Variants in SP4 observed in about 807,000 individuals in gnomAD.
SP4 encodes Sp4 transcription factor.
SP4 carries 19 observed loss-of-function variants against 72.8 expected under a neutral mutation model. That is an observed-to-expected ratio of 0.26 (90% CI 0.18 to 0.38). The LOEUF (loss-of-function observed/expected upper bound fraction) is 0.38. Among genes scored for constraint, SP4 ranks in the 10% least tolerant of loss-of-function variants. The probability of loss-of-function intolerance (pLI) is 1.00; values close to 1 mark genes in which losing one functional copy is unlikely to be tolerated. For synonymous variants in SP4, 395 were observed against 333.1 expected, an observed-to-expected ratio of 1.19 and a Z score of -2.02; for missense variants, 1,008 against 926.3, an observed-to-expected ratio of 1.09 and a Z score of -1.14.
chr7:21,472,615 C>T (rs1784382430), intron 3 of SP4, among the ~76,000 whole-genome samples: 1 of 151,668 alleles, frequency 6.6e-6, no homozygotes, highest in Non-Finnish European at 1.5e-5. Flanking sequence ...CAGAAAGTGA[C>T]ATAAATTTAG....
chr7:21,449,297 A>G (rs917832002), intron 3 of SP4, among the ~76,000 whole-genome samples: 8 of 152,212 alleles, frequency 5.3e-5, no homozygotes, highest in African/African-American at 1.9e-4. Flanking sequence ...ACTGACCCGT[A>G]TGCTCCACAT....
Position 21,430,483 on chromosome 7 carries a change from C to G in SP4, c.1318C>G (p.Pro440Ala). 6.2e-7 allele frequency: 1 copy of G among 1,614,170 alleles called. No homozygotes were observed. The highest frequency in any genetic ancestry group is 8.5e-7 in the Non-Finnish European group (1 of 1,180,018). The stretch of plus-strand genomic sequence containing the variant: ...GACGATTCAGACCATCCAGCAGCAG[C>G]CTTTACAGAATGTTCAACTTCAAGC... ...GQTIQTIQQQ[P>A]LQNVQLQAVN... The change falls in exon 3 of 6, where the codon CCT (proline) becomes GCT (alanine). Residue 440 changes from proline (P) to alanine (A), a missense_variant. By Grantham distance (27) the Pro-to-Ala change is conservative (BLOSUM62 -1). Coordinates refer to ENST00000222584, the MANE Select transcript of SP4 (RefSeq NM_003112.5).
intron 5 of SP4, among the ~76,000 whole-genome samples, chr7:21,502,038 G>GCC (rs1355848042): frequency 2.4e-3 from 217 of 89,370 alleles, no homozygotes; most frequent in East Asian, 0.01. Context: ...AATTCATTAG[G>GCC]CACCCCCCCC....
chr7:21,489,384 G>A (rs944612860), intron 5 of SP4, among the ~76,000 whole-genome samples: 6 of 151,896 alleles, frequency 4.0e-5, no homozygotes, highest in African/African-American at 7.3e-5. Flanking sequence ...GCAGTGATGT[G>A]ATCATAGCTC....
chr7:21,483,085 C>CA (rs1308315858), intron 5 of SP4, among the ~76,000 whole-genome samples: 2 of 152,008 alleles, frequency 1.3e-5, no homozygotes, highest in African/African-American at 4.8e-5. Context: ...TGATAGTTTC[C>CA]ACTTTGTGCT....
At chr7:21,500,587 G>A (rs28729764) in intron 5 of SP4, among the ~76,000 whole-genome samples, 3,671 of 152,186 alleles carry the variant, frequency 0.024, 68 homozygotes, top group Middle Eastern at 0.037. Context: ...CCTTTCTGTT[G>A]TAGAATGTAG....
At chr7:21,461,837 G>A (rs537552780) in intron 3 of SP4, among the ~76,000 whole-genome samples, 2 of 143,522 alleles carry the variant, frequency 1.4e-5, no homozygotes, top group African/African-American at 5.2e-5. Context: ...AGAAAGAATG[G>A]ATAGACCTTT....
chr7:21,479,480 A>G (rs1784614023), intron 4 of SP4, among the ~76,000 whole-genome samples: 1 of 152,188 alleles, frequency 6.6e-6, no homozygotes, highest in Non-Finnish European at 1.5e-5. Flanking sequence ...GTTGTATTCC[A>G]TTGATCTATA....
intron 3 of SP4, chr7:21,471,255 T>C: frequency 2.7e-6 from 1 of 370,678 alleles, no homozygotes; most frequent in Admixed American, 3.2e-5. Context: ...CATTGGCTTT[T>C]TGGGGAGCTA....
Position 21,430,414 on chromosome 7 carries a change from A to G in SP4, c.1249A>G (p.Ile417Val). The G allele has an allele frequency of 6.2e-7, 1 of 1,614,250 alleles. No individual in the cohort carries two copies. The highest frequency in any genetic ancestry group is 8.5e-7 in the Non-Finnish European group (1 of 1,180,042). Residue 417 changes from isoleucine to valine, a missense_variant, in exon 3 of 6, where the codon ATT (isoleucine) becomes GTT (valine). Physicochemically the swap from Ile to Val is conservative, Grantham distance 29. Coordinates refer to ENST00000222584, the MANE Select transcript of SP4 (RefSeq NM_003112.5). The part of the protein sequence containing the change: ...IQIQQPQQQI[I>V]QAIPPQSFQL... ...GATCCAACAGCCTCAGCAACAGATC[A>G]TTCAGGCTATTCCACCACAGTCGTT...
In SP4 at chr7:21,465,158, G is replaced by GT. The variant is rs1394162572; in HGVS notation, c.1679-11920dup. On this transcript the variant is annotated intron_variant, in intron 3 of 5. Coordinates refer to ENST00000222584, the MANE Select transcript of SP4 (RefSeq NM_003112.5). ...GATTAGAATAAATAGAAATAACTAG[G>GT]TACCAAAGAGGGTGTATATCTTTGT... Among the ~76,000 whole-genome samples the GT allele has an allele frequency of 6.8e-4, 103 of 152,266 alleles. 1 individual carries two copies. The highest frequency in any genetic ancestry group is 3.4e-4 in the Non-Finnish European group (23 of 68,022).
intron 3 of SP4, among the ~76,000 whole-genome samples, chr7:21,438,967 A>G (rs1225865977): frequency 5.9e-5 from 9 of 152,222 alleles, no homozygotes. Context: ...TGCCAAAGAG[A>G]AGTTGTTATC....
rs1340311231 is a variant in SP4, at chr7:21,482,142, T to C, written c.2107+19T>C. 2 of 1,577,674 alleles carry C rather than the reference T, an allele frequency of 1.3e-6. No homozygotes were observed. Among genetic ancestry groups the C allele is most frequent in the Non-Finnish European group, 1.7e-6 (2 of 1,153,366 alleles). The stretch of plus-strand genomic sequence containing the variant: ...CATACAGGTTAGTTGATTTTAGGAC[T>C]TGTACTTTTTACTTATTTCTTCAGT... On this transcript the variant is annotated intron_variant, in intron 5 of 5. Coordinates refer to ENST00000222584, the MANE Select transcript of SP4 (RefSeq NM_003112.5).
intron 3 of SP4, among the ~76,000 whole-genome samples, chr7:21,443,434 G>C (rs181177827): frequency 1.6e-3 from 238 of 152,276 alleles, no homozygotes; most frequent in African/African-American, 5.4e-3. Flanking sequence ...TACCAGTTAG[G>C]GGATACTTTG....
chr7:21,444,277 T>G (rs1783352248), intron 3 of SP4, among the ~76,000 whole-genome samples: 2 of 152,218 alleles, frequency 1.3e-5, no homozygotes, highest in South Asian at 4.1e-4. Context: ...GCAGTTTTCT[T>G]TAATGAATGA....
intron 3 of SP4, among the ~76,000 whole-genome samples, chr7:21,457,597 C>G (rs1455745134): frequency 1.3e-5 from 2 of 152,118 alleles, no homozygotes; most frequent in African/African-American, 4.8e-5. Flanking sequence ...CTAGAGTAAG[C>G]AGGCCAAGAG....
intron 5 of SP4, among the ~76,000 whole-genome samples, chr7:21,502,209 G>A (rs1029516639): frequency 6.6e-6 from 1 of 152,042 alleles, no homozygotes; most frequent in Non-Finnish European, 1.5e-5. Flanking sequence ...CCAATTGGAC[G>A]GTAACAACTT....
chr7:21,476,315 A>T (rs1324730440), intron 3 of SP4, among the ~76,000 whole-genome samples: 4 of 151,414 alleles, frequency 2.6e-5, no homozygotes, highest in Non-Finnish European at 5.9e-5. Flanking sequence ...TTTCAGGATA[A>T]TGTTAAGCCA....
At chr7:21,465,373 C>T (rs976169668) in intron 3 of SP4, among the ~76,000 whole-genome samples, 5 of 152,166 alleles carry the variant, frequency 3.3e-5, no homozygotes, top group Admixed American at 6.5e-5. Context: ...ATATAGCCAA[C>T]CAGAAAAGAG....
Sources: gnomAD v4.1 joint callset for allele counts (sites outside exome capture counted in the v4.1 genomes callset) on GRCh38, gnomAD v4.1.1 for gene constraint, MANE v1.5 for transcripts, NCBI Gene and HGNC (gene_info 2026-07-23, HGNC 2026-07-21) for gene names.